The following TPO variants were observed in gnomAD, a reference collection of about 807,000 sequenced individuals.
The protein encoded by TPO is thyroid peroxidase.
A neutral mutation model predicts 96.9 loss-of-function variants in TPO; 78 were observed. That is an observed-to-expected ratio of 0.81 (90% CI 0.67 to 0.97). The LOEUF is 0.97. Ranked by LOEUF, TPO falls within the 50% of genes least tolerant of loss-of-function variation. The probability of loss-of-function intolerance (pLI) is 0.00; values close to 1 mark genes in which losing one functional copy is unlikely to be tolerated. For missense variants in TPO, 1,252 were observed against 1,274.8 expected (o/e 0.98, Z 0.27); for synonymous variants, 547 against 538.0 (o/e 1.02, Z -0.23).
At chr2:1,444,345 G>A (rs1489745211) in intron 5 of TPO, among the ~76,000 whole-genome samples, 1 of 151,636 alleles carries the variant, frequency 6.6e-6, no homozygotes, top group South Asian at 2.1e-4. Flanking sequence ...ACTGCTGCAG[G>A]AGGCACCGTG....
chr2:1,521,412 A>T (rs1028999084), intron 15 of TPO, among the ~76,000 whole-genome samples: 1 of 152,122 alleles, frequency 6.6e-6, no homozygotes, highest in African/African-American at 2.4e-5. Flanking sequence ...CGAGGCAGCC[A>T]TGGGGCAGTG....
chr2:1,416,665 G>C (rs1347333517), intron 2 of TPO, among the ~76,000 whole-genome samples: 1 of 152,216 alleles, frequency 6.6e-6, no homozygotes, highest in Non-Finnish European at 1.5e-5. Flanking sequence ...ATATTTCAAA[G>C]CTGACTTATT....
Position 1,493,929 on chromosome 2 carries a change from C to T in TPO, c.1896C>T (p.Ile632=), listed in dbSNP as rs774910439. 1.7e-5 allele frequency: 28 copies of T among 1,614,096 alleles called. No homozygotes were observed. Among genetic ancestry groups the T allele is most frequent in the Admixed American group, 3.3e-5 (2 of 60,010 alleles). Residue 632 remains isoleucine (I), a synonymous_variant, in exon 11 of 17, where the codon ATC becomes ATT. Transcript: ENST00000329066. The part of the protein sequence containing the change: ...ILDLYKHPDN[I]DVWLGGLAEN... ...ACTTGTACAAGCATCCTGACAACAT[C>T]GATGTCTGGCTGGGAGGCTTAGCTG... is the stretch of plus-strand genomic sequence containing the variant.
intron 10 of TPO, among the ~76,000 whole-genome samples, chr2:1,488,924 T>G (rs1441893723): frequency 2.0e-5 from 3 of 152,182 alleles, no homozygotes; most frequent in Admixed American, 2.0e-4. Flanking sequence ...GGGGCCCCTA[T>G]GTGTGTCAGG....
At chr2:1,485,064 C>CAT (rs1173688703) in intron 9 of TPO, among the ~76,000 whole-genome samples, 1 of 151,786 alleles carries the variant, frequency 6.6e-6, no homozygotes, top group East Asian at 1.9e-4. Flanking sequence ...CCCTGACCCC[C>CAT]ACCCCACGAC....
chr2:1,496,234 C>G (rs572739125), intron 12 of TPO, 37 bp downstream of exon 12: 1 of 1,599,894 alleles, frequency 6.3e-7, no homozygotes, highest in Non-Finnish European at 8.5e-7. Context: ...CGTTACAGCA[C>G]GTGCATCTCA....
chr2:1,442,254 C>A (rs1357258092), intron 5 of TPO, among the ~76,000 whole-genome samples: 1 of 152,134 alleles, frequency 6.6e-6, no homozygotes, highest in Non-Finnish European at 1.5e-5. Flanking sequence ...AGAAATGAAG[C>A]CTCTCAGCTA....
chr2:1,433,918 T>C (rs1043664095), intron 4 of TPO, among the ~76,000 whole-genome samples: 1 of 152,304 alleles, frequency 6.6e-6, no homozygotes, highest in Admixed American at 6.5e-5. Context: ...ATAGCCCCCC[T>C]CTTAGTTAAA....
At position 1,469,038 on chromosome 2, in the gene TPO, C is replaced by A. The variant is rs1365667104; in HGVS notation, c.820-8048C>A. On this transcript the variant is annotated intron_variant, in intron 7 of 16. Transcript: ENST00000329066. Reference sequence around the variant, plus strand: ...ACATTTTGAATTTCTCTGAGTGTGTCCAATGTTTCCTGAAGTTTTGATTGT... The same window carrying A: ...ACATTTTGAATTTCTCTGAGTGTGTACAATGTTTCCTGAAGTTTTGATTGT... Among the ~76,000 whole-genome samples, 4 of 152,258 alleles carry A rather than the reference C, an allele frequency of 2.6e-5. No homozygotes were observed. The East Asian group carries it at 7.7e-4, about 29-fold the overall frequency.
intron 15 of TPO, among the ~76,000 whole-genome samples, chr2:1,519,751 G>A (rs1259526041): frequency 3.3e-5 from 5 of 152,100 alleles, no homozygotes; most frequent in East Asian, 3.8e-4. Flanking sequence ...AAACTGATAC[G>A]ACTATAATTT....
intron 1 of TPO, among the ~76,000 whole-genome samples, chr2:1,383,664 C>T (rs1661844935): frequency 6.6e-6 from 1 of 152,086 alleles, no homozygotes; most frequent in Non-Finnish European, 1.5e-5. Flanking sequence ...TTCTCCCATT[C>T]TGTAGGTTGC....
chr2:1,387,767 T>A (rs927970478), intron 1 of TPO, among the ~76,000 whole-genome samples: 3 of 152,252 alleles, frequency 2.0e-5, no homozygotes, highest in Non-Finnish European at 4.4e-5. Flanking sequence ...GCTGCGTTCC[T>A]TTGGAGGAGG....
At chr2:1,379,174 G>A (rs369177422) in intron 1 of TPO, among the ~76,000 whole-genome samples, 189 of 152,150 alleles carry the variant, frequency 1.2e-3, no homozygotes, top group Non-Finnish European at 2.2e-3. Context: ...GTGTGGTGGC[G>A]CACGCATGTA....
intron 15 of TPO, among the ~76,000 whole-genome samples, chr2:1,538,499 TAA>T (rs1680340992): frequency 6.9e-6 from 1 of 145,142 alleles, no homozygotes; most frequent in Non-Finnish European, 1.6e-5. Flanking sequence ...TAAAAAGACA[TAA>T]GAGCTCTCTA....
At chr2:1,432,506 T>A (rs1416566983) in intron 3 of TPO, among the ~76,000 whole-genome samples, 141 of 63,780 alleles carry the variant, frequency 2.2e-3, no homozygotes, top group East Asian at 5.0e-3. Context: ...GCCCCAGGTG[T>A]GGAGAGGCCT....
chr2:1,390,324 A>G (rs1661981174), intron 1 of TPO, among the ~76,000 whole-genome samples: 2 of 152,134 alleles, frequency 1.3e-5, no homozygotes, highest in Admixed American at 1.3e-4. Flanking sequence ...AGCTTCATCC[A>G]TGTCCCTGCA....
At chr2:1,508,361 C>G (rs1467770426) in intron 14 of TPO, among the ~76,000 whole-genome samples, 1 of 152,110 alleles carries the variant, frequency 6.6e-6, no homozygotes, top group Non-Finnish European at 1.5e-5. Flanking sequence ...TTGGTTGTGT[C>G]TCTGCCCGGC....
intron 3 of TPO, among the ~76,000 whole-genome samples, chr2:1,432,911 G>A (rs1665171002): frequency 6.6e-6 from 1 of 152,112 alleles, no homozygotes; most frequent in African/African-American, 2.4e-5. Flanking sequence ...CTTATTCTAT[G>A]AGGGTGTGTT....
intron 16 of TPO, chr2:1,542,133 T>C (rs973341586): frequency 4.6e-5 from 25 of 547,226 alleles, no homozygotes; most frequent in Admixed American, 1.2e-4. Flanking sequence ...GGGACCTGTG[T>C]GCTCAGCACG....
Sources: allele counts gnomAD v4.1 joint callset (sites outside exome capture counted in the v4.1 genomes callset), GRCh38; gene constraint gnomAD v4.1.1; transcripts MANE v1.5; gene names NCBI Gene and HGNC (gene_info 2026-07-23, HGNC 2026-07-21).